ANKRD45: variants seen among roughly 807,000 people sequenced by gnomAD.
The protein encoded by ANKRD45 is ankyrin repeat domain 45, also known as ankyrin repeat domain-containing protein 45.
Under a neutral mutation model 28.1 loss-of-function variants are expected in ANKRD45, and 21 were observed. The observed-to-expected ratio is 0.75, with a 90% CI of 0.53 to 1.08. ANKRD45 has a LOEUF of 1.08. ANKRD45 is among the 50% of genes least tolerant of loss of function. ANKRD45 has a pLI of 0.00. For missense variants in ANKRD45, 261 were observed against 308.7 expected, an observed-to-expected ratio of 0.85 and a Z score of 1.16; for synonymous variants, 86 against 103.9, an observed-to-expected ratio of 0.83 and a Z score of 1.05.
intron 1 of ANKRD45, chr1:173,667,816 C>A: frequency 2.8e-6 from 1 of 358,132 alleles, no homozygotes; most frequent in South Asian, 2.3e-5. Context: ...CCTTTTCCAA[C>A]TATATATCTA....
chr1:173,680,880 C>T, the ANKRD45 span, among the ~76,000 whole-genome samples: 1 of 150,490 alleles, frequency 6.6e-6, no homozygotes. Context: ...AACCAAACAC[C>T]TCATGTTCTC....
intron 3 of ANKRD45, among the ~76,000 whole-genome samples, chr1:173,639,544 GTTC>G (rs986677680): frequency 1.3e-5 from 2 of 152,200 alleles, no homozygotes; most frequent in African/African-American, 4.8e-5. Flanking sequence ...TCATAAGGGA[GTTC>G]TTAACCATGG....
At chr1:173,688,956 G>C in the ANKRD45 span, among the ~76,000 whole-genome samples, 2 of 152,096 alleles carry the variant, frequency 1.3e-5, no homozygotes. Context: ...TTAGACGGGG[G>C]GTTGGGGGGA....
At chr1:173,627,619 G>A (rs184006816) in intron 3 of ANKRD45, among the ~76,000 whole-genome samples, 8 of 152,278 alleles carry the variant, frequency 5.3e-5, no homozygotes, top group African/African-American at 1.9e-4. Flanking sequence ...CCAGCAGTTG[G>A]AATCTGAGTT....
chr1:173,672,532 G>A (rs955504832), upstream of ANKRD45, among the ~76,000 whole-genome samples: 3 of 152,202 alleles, frequency 2.0e-5, no homozygotes, highest in Admixed American at 6.5e-5. Context: ...AATGTCTGAA[G>A]TGGAATTAAA....
At chr1:173,637,024 C>A in intron 3 of ANKRD45, 1 of 1,524,760 alleles carries the variant, frequency 6.6e-7, no homozygotes, top group South Asian at 1.2e-5. Flanking sequence ...AAGAAGGAGC[C>A]AGAAGATACT....
chr1:173,667,045 C>T (rs1422183048), intron 1 of ANKRD45, among the ~76,000 whole-genome samples: 1 of 152,178 alleles, frequency 6.6e-6, no homozygotes, highest in African/African-American at 2.4e-5. Flanking sequence ...CCGTGCCCAG[C>T]TGCAATTTGC....
chr1:173,610,831 C>A (rs12066494), intron 5 of ANKRD45, among the ~76,000 whole-genome samples: 25,815 of 151,984 alleles, frequency 0.17, 7,307 homozygotes, highest in African/African-American at 0.59. Flanking sequence ...TAAGATATCA[C>A]AAAATCTTAA....
intron 1 of ANKRD45, among the ~76,000 whole-genome samples, 166 bp downstream of exon 1, chr1:173,669,651 A>G (rs976631516): frequency 2.3e-4 from 35 of 151,996 alleles, no homozygotes; most frequent in Non-Finnish European, 4.3e-4. Context: ...GGGGTAGGAG[A>G]CCGGTGCGCA....
the ANKRD45 span, among the ~76,000 whole-genome samples, chr1:173,680,170 C>T: frequency 6.6e-6 from 1 of 152,100 alleles, no homozygotes; most frequent in East Asian, 1.9e-4. Flanking sequence ...GTCATTTGAC[C>T]CAGCAATCCC....
the ANKRD45 span, among the ~76,000 whole-genome samples, chr1:173,675,628 A>G: frequency 6.6e-6 from 1 of 152,180 alleles, no homozygotes; most frequent in Non-Finnish European, 1.5e-5. Context: ...AGAAAAAAGA[A>G]AAAATAGAAT....
At chr1:173,622,560 G>A (rs1667748867) in intron 5 of ANKRD45, among the ~76,000 whole-genome samples, 1 of 152,158 alleles carries the variant, frequency 6.6e-6, no homozygotes, top group South Asian at 2.1e-4. Flanking sequence ...ATGGAGAAAG[G>A]ATTCCCTATT....
In ANKRD45 at chr1:173,659,372, G is replaced by C. The variant is rs749027873; in HGVS notation, c.47C>G (p.Ser16Ter). 1.9e-6 allele frequency: 3 copies of C among 1,605,344 alleles called. No homozygotes were observed. The highest frequency in any genetic ancestry group is 2.2e-5 in the South Asian group (2 of 89,536). ...TTCTTCATTTTCCTCTTCTTGCTGT[G>C]AGAAAAATTCTGAACTCTCTGACTC... Reference protein sequence around the residue: ...PPESESSEFFSQQEEENEEEE... With the variant: ...PPESESSEFF Residue 16 changes from serine (S) to a stop codon, truncating the protein, a stop_gained, in exon 2 of 6, where the codon TCA (serine) becomes TGA (stop). Transcript: ENST00000333279. LOFTEE classifies it high-confidence loss of function.
At chr1:173,694,900 G>A in the ANKRD45 span, among the ~76,000 whole-genome samples, 3 of 151,986 alleles carry the variant, frequency 2.0e-5, no homozygotes, top group Admixed American at 6.6e-5. Context: ...TTTTTATTAG[G>A]AAATTTTTCA....
At chr1:173,706,828 G>T in the ANKRD45 span, among the ~76,000 whole-genome samples, 2 of 152,072 alleles carry the variant, frequency 1.3e-5, no homozygotes, top group African/African-American at 4.8e-5. Flanking sequence ...AATGGAAAAA[G>T]GTCAATGCAA....
At chr1:173,663,167 C>T (rs1669861030) in intron 1 of ANKRD45, among the ~76,000 whole-genome samples, 1 of 151,996 alleles carries the variant, frequency 6.6e-6, no homozygotes, top group African/African-American at 2.4e-5. Flanking sequence ...CACCGGAAGA[C>T]TAAGAAGCAG....
intron 3 of ANKRD45, chr1:173,636,873 G>A: frequency 3.3e-6 from 5 of 1,535,762 alleles, no homozygotes; most frequent in Non-Finnish European, 4.4e-6. Context: ...GATCTAGAAA[G>A]CCCATTGATC....
chr1:173,642,477 C>T (rs1004624712), intron 3 of ANKRD45, among the ~76,000 whole-genome samples: 2 of 152,188 alleles, frequency 1.3e-5, no homozygotes, highest in South Asian at 4.1e-4. Flanking sequence ...ATAGAGGTTC[C>T]TCTTCAAAGG....
the ANKRD45 span, among the ~76,000 whole-genome samples, chr1:173,690,794 GTAT>G: frequency 2.0e-5 from 3 of 152,236 alleles, no homozygotes; most frequent in South Asian, 6.2e-4. Flanking sequence ...CTTGCTTGGG[GTAT>G]TTCCCATCTT....
Sources: gnomAD v4.1 joint callset for allele counts (sites outside exome capture counted in the v4.1 genomes callset) on GRCh38, gnomAD v4.1.1 for gene constraint, MANE v1.5 for transcripts, NCBI Gene and HGNC (gene_info 2026-07-23, HGNC 2026-07-21) for gene names.